The following PLCH1 variants were observed in gnomAD, a reference collection of about 807,000 sequenced individuals.
PLCH1 encodes phospholipase C eta 1.
In PLCH1, 60 loss-of-function variants were observed where a neutral mutation model predicts 126.7. That is an observed-to-expected ratio of 0.47 (90% CI 0.38 to 0.59). The LOEUF (loss-of-function observed/expected upper bound fraction) is 0.59, where lower values mean the gene tolerates loss of function less well. Among genes scored for constraint, PLCH1 ranks in the 20% least tolerant of loss-of-function variants. PLCH1 has a pLI of 0.00. For synonymous variants in PLCH1, 719 were observed against 734.9 expected, an observed-to-expected ratio of 0.98 and a Z score of 0.35; for missense variants, 1,723 against 2,040.0, an observed-to-expected ratio of 0.84 and a Z score of 2.99.
intron 2 of PLCH1, among the ~76,000 whole-genome samples, chr3:155,616,084 T>C (rs1037751334): frequency 2.0e-5 from 3 of 152,168 alleles, no homozygotes; most frequent in African/African-American, 7.2e-5. Flanking sequence ...GAGTTAGCCA[T>C]ATCCCCTAGC....
intron 2 of PLCH1, among the ~76,000 whole-genome samples, chr3:155,665,038 G>A (rs1402686924): frequency 6.6e-6 from 1 of 150,886 alleles, no homozygotes; most frequent in African/African-American, 2.4e-5. Flanking sequence ...CTGGCCAGTG[G>A]AATTTGGGCA....
chr3:155,544,800 C>T (rs1310723806), intron 10 of PLCH1, among the ~76,000 whole-genome samples: 242 of 150,256 alleles, frequency 1.6e-3, no homozygotes, highest in Non-Finnish European at 1.4e-3. Flanking sequence ...GGGTACATAA[C>T]GAAATGAAGG....
At chr3:155,461,085 T>G (rs1712707181) in intron 21 of PLCH1, among the ~76,000 whole-genome samples, 1 of 152,232 alleles carries the variant, frequency 6.6e-6, no homozygotes, top group Non-Finnish European at 1.5e-5. Context: ...CCTGGGTCTG[T>G]GTTAATTCTA....
At chr3:155,569,292 G>A (rs1228141951) in intron 6 of PLCH1, among the ~76,000 whole-genome samples, 1 of 152,074 alleles carries the variant, frequency 6.6e-6, no homozygotes, top group Non-Finnish European at 1.5e-5. Context: ...TTGTGAGCTA[G>A]TATTTCATAT....
At chr3:155,630,064 A>G (rs1423126320) in intron 2 of PLCH1, among the ~76,000 whole-genome samples, 1 of 152,218 alleles carries the variant, frequency 6.6e-6, no homozygotes, top group East Asian at 1.9e-4. Context: ...CCGTAAGGAC[A>G]GAAATGTTTT....
intron 10 of PLCH1, among the ~76,000 whole-genome samples, chr3:155,537,201 C>CAA (rs1560128167): frequency 2.0e-4 from 27 of 132,082 alleles, no homozygotes; most frequent in African/African-American, 8.1e-4. Flanking sequence ...AAAAAAAAAA[C>CAA]CAAAAAAAAA....
chr3:155,463,754 G>A (rs1455400150), intron 21 of PLCH1, among the ~76,000 whole-genome samples: 3 of 152,116 alleles, frequency 2.0e-5, no homozygotes, highest in Non-Finnish European at 2.9e-5. Context: ...GGAAAAAAAT[G>A]GACTGGATGG....
intron 2 of PLCH1, among the ~76,000 whole-genome samples, chr3:155,642,435 A>G (rs894467472): frequency 6.6e-6 from 1 of 152,234 alleles, no homozygotes; most frequent in Non-Finnish European, 1.5e-5. Context: ...TTATGGGTCA[A>G]CTTGACTGGG....
At chr3:155,599,303 G>C (rs1359356191) in intron 2 of PLCH1, among the ~76,000 whole-genome samples, 1 of 152,092 alleles carries the variant, frequency 6.6e-6, no homozygotes, top group Non-Finnish European at 1.5e-5. Context: ...CAAAGAAAAA[G>C]AGAATAGAGT....
intron 2 of PLCH1, among the ~76,000 whole-genome samples, chr3:155,694,235 T>G (rs1190210400): frequency 6.6e-6 from 1 of 152,166 alleles, no homozygotes; most frequent in Non-Finnish European, 1.5e-5. Context: ...TAGAATCACA[T>G]GAAGAGTTCT....
chr3:155,531,915 A>G (rs944155551), intron 10 of PLCH1, among the ~76,000 whole-genome samples: 3 of 152,228 alleles, frequency 2.0e-5, no homozygotes, highest in African/African-American at 7.2e-5. Context: ...TCATTTATCC[A>G]GACCACTCAA....
At chr3:155,603,220 G>T (rs933268087) in intron 2 of PLCH1, among the ~76,000 whole-genome samples, 1 of 152,188 alleles carries the variant, frequency 6.6e-6, no homozygotes, top group Non-Finnish European at 1.5e-5. Flanking sequence ...AATGTGAACT[G>T]ATTTCCTGCC....
At chr3:155,514,562 C>T (rs1407417894) in intron 12 of PLCH1, among the ~76,000 whole-genome samples, 161 bp downstream of exon 12, 1 of 152,224 alleles carries the variant, frequency 6.6e-6, no homozygotes, top group Admixed American at 6.5e-5. Context: ...CCACTTTTAA[C>T]TATTTCTCAT....
chr3:155,565,577 A>T (rs929520725), intron 7 of PLCH1, among the ~76,000 whole-genome samples: 2 of 152,180 alleles, frequency 1.3e-5, no homozygotes, highest in African/African-American at 4.8e-5. Context: ...GAAGCCAAGC[A>T]GATGCTGGCA....
intron 2 of PLCH1, among the ~76,000 whole-genome samples, chr3:155,608,766 C>A (rs1409656898): frequency 1.3e-5 from 2 of 152,154 alleles, no homozygotes; most frequent in Admixed American, 1.3e-4. Flanking sequence ...TCTGTGCCTG[C>A]CCAGGTAGCT....
chr3:155,497,184 C>G (rs1717162996), intron 15 of PLCH1, 136 bp downstream of exon 15: 2 of 612,352 alleles, frequency 3.3e-6, no homozygotes. Flanking sequence ...AGTGAGTTTC[C>G]TGACACTCAA....
intron 7 of PLCH1, among the ~76,000 whole-genome samples, chr3:155,565,732 G>A (rs1728270804): frequency 7.3e-6 from 1 of 137,504 alleles, no homozygotes; most frequent in Admixed American, 7.4e-5. Flanking sequence ...GTCTTGCTTT[G>A]TCGCCCAGGC....
intron 2 of PLCH1, among the ~76,000 whole-genome samples, chr3:155,657,424 G>A (rs1741536797): frequency 6.6e-6 from 1 of 152,132 alleles, no homozygotes; most frequent in African/African-American, 2.4e-5. Context: ...ACAGGTTACT[G>A]GAGAGGAAAC....
At chr3:155,682,889 G>A (rs1277442195) in intron 2 of PLCH1, among the ~76,000 whole-genome samples, 2 of 152,186 alleles carry the variant, frequency 1.3e-5, no homozygotes, top group African/African-American at 4.8e-5. Flanking sequence ...TCCATCCAAT[G>A]CTTGCTGAAT....
Sources: gnomAD v4.1 joint callset for allele counts (sites outside exome capture counted in the v4.1 genomes callset) on GRCh38, gnomAD v4.1.1 for gene constraint, MANE v1.5 for transcripts, NCBI Gene and HGNC (gene_info 2026-07-23, HGNC 2026-07-21) for gene names.